Variants in CNTNAP2 observed in about 807,000 individuals in gnomAD.
The protein encoded by CNTNAP2 is contactin-associated protein-like 2.
CNTNAP2 carries 98 observed loss-of-function variants against 155.2 expected under a neutral mutation model. The observed-to-expected ratio is 0.63, with a 90% CI of 0.54 to 0.75. CNTNAP2 has a LOEUF of 0.75. Among genes scored for constraint, CNTNAP2 ranks in the 30% least tolerant of loss-of-function variants. CNTNAP2 has a pLI of 0.00. For missense variants in CNTNAP2, 1,727 were observed against 1,688.1 expected (o/e 1.02, Z -0.40); for synonymous variants, 651 against 631.2 (o/e 1.03, Z -0.47).
intron 1 of CNTNAP2, among the ~76,000 whole-genome samples, chr7:146,578,818 G>A (rs760520313): frequency 7.2e-5 from 11 of 151,976 alleles, no homozygotes; most frequent in South Asian, 2.1e-4. Flanking sequence ...TTTGTTACTC[G>A]CTGTAGACAG....
intron 9 of CNTNAP2, among the ~76,000 whole-genome samples, chr7:147,362,482 C>A (rs73740611): frequency 0.02 from 3,060 of 152,258 alleles, 99 homozygotes; most frequent in African/African-American, 0.07. Context: ...CACATAATGT[C>A]ACTTCCACCA....
intron 1 of CNTNAP2, among the ~76,000 whole-genome samples, chr7:146,131,349 A>G (rs989084710): frequency 6.6e-6 from 1 of 152,210 alleles, no homozygotes; most frequent in Non-Finnish European, 1.5e-5. Flanking sequence ...TAAGGTGTAC[A>G]ATATAATATT....
intron 8 of CNTNAP2, among the ~76,000 whole-genome samples, chr7:147,193,203 A>G (rs547028648): frequency 2.0e-5 from 3 of 152,322 alleles, no homozygotes; most frequent in South Asian, 4.1e-4. Context: ...CATAAAGCAC[A>G]GTGAAGTATA....
intron 3 of CNTNAP2, among the ~76,000 whole-genome samples, chr7:146,919,413 A>T (rs1308083083): frequency 6.6e-6 from 1 of 152,048 alleles, no homozygotes. Context: ...CCCCTTAGGG[A>T]TGGGGCTTCC....
At chr7:148,207,373 C>G (rs1795468960) in intron 18 of CNTNAP2, among the ~76,000 whole-genome samples, 1 of 152,200 alleles carries the variant, frequency 6.6e-6, no homozygotes, top group Non-Finnish European at 1.5e-5. Context: ...AGAATGGCCG[C>G]TGAGGCCAAG....
chr7:146,592,106 G>A (rs1230429450), intron 1 of CNTNAP2, among the ~76,000 whole-genome samples: 1 of 152,152 alleles, frequency 6.6e-6, no homozygotes, highest in Non-Finnish European at 1.5e-5. Context: ...TCCAAATCCG[G>A]CTGTCATGAA....
intron 1 of CNTNAP2, among the ~76,000 whole-genome samples, chr7:146,181,473 T>A (rs1031857534): frequency 1.4e-4 from 22 of 152,140 alleles, no homozygotes; most frequent in African/African-American, 4.1e-4. Flanking sequence ...CATTTGCAAA[T>A]CTTAAGTGTC....
At chr7:147,962,299 G>A (rs1397357194) in intron 14 of CNTNAP2, among the ~76,000 whole-genome samples, 1 of 152,230 alleles carries the variant, frequency 6.6e-6, no homozygotes, top group South Asian at 2.1e-4. Context: ...TAGTTAGAAT[G>A]TGTATACTGA....
intron 3 of CNTNAP2, among the ~76,000 whole-genome samples, chr7:146,990,670 T>C (rs1019129441): frequency 6.6e-6 from 1 of 152,094 alleles, no homozygotes; most frequent in African/African-American, 2.4e-5. Flanking sequence ...AACCATTCAA[T>C]CAAAAGAGTG....
At chr7:148,319,308 C>G (rs1487542158) in intron 21 of CNTNAP2, among the ~76,000 whole-genome samples, 2 of 152,064 alleles carry the variant, frequency 1.3e-5, no homozygotes, top group Admixed American at 1.3e-4. Flanking sequence ...TAGAAAAGAT[C>G]ATCATATTGT....
At chr7:146,673,642 T>C (rs1360644115) in intron 1 of CNTNAP2, among the ~76,000 whole-genome samples, 4 of 152,212 alleles carry the variant, frequency 2.6e-5, no homozygotes, top group Non-Finnish European at 4.4e-5. Context: ...ACACCAGCTG[T>C]AACCAATCTG....
chr7:148,061,833 A>T (rs1367678441), intron 15 of CNTNAP2, among the ~76,000 whole-genome samples: 2 of 129,814 alleles, frequency 1.5e-5, no homozygotes, highest in African/African-American at 5.8e-5. Context: ...TAGTCTAGAT[A>T]CCTAGATAGT....
chr7:148,084,329 C>G (rs1585117014), intron 15 of CNTNAP2, among the ~76,000 whole-genome samples: 2 of 152,126 alleles, frequency 1.3e-5, no homozygotes, highest in African/African-American at 4.8e-5. Flanking sequence ...CAGAATCCCA[C>G]ACAGTGATCA....
intron 16 of CNTNAP2, among the ~76,000 whole-genome samples, chr7:148,133,318 T>C (rs1804872276): frequency 6.6e-6 from 1 of 151,928 alleles, no homozygotes; most frequent in African/African-American, 2.4e-5. Context: ...AAAAATTAGC[T>C]GGGCATGGTG....
intron 1 of CNTNAP2, among the ~76,000 whole-genome samples, chr7:146,569,433 A>C (rs10249436): frequency 0.81 from 124,005 of 152,190 alleles, 51,148 homozygotes; most frequent in African/African-American, 0.9. Context: ...TCACATTTCA[A>C]ACTTTATCTT....
intron 13 of CNTNAP2, among the ~76,000 whole-genome samples, chr7:147,773,473 TAAAACAAAAACA>T (rs914439139): frequency 3.3e-5 from 5 of 151,984 alleles, no homozygotes; most frequent in Non-Finnish European, 7.4e-5. Flanking sequence ...CTGTCTCTAG[TAAAACAAAAACA>T]AAAACAAAAC....
At chr7:147,720,093 C>G (rs1028842032) in intron 13 of CNTNAP2, among the ~76,000 whole-genome samples, 27 of 152,024 alleles carry the variant, frequency 1.8e-4, no homozygotes, top group Admixed American at 3.3e-4. Flanking sequence ...TCACTCTTCC[C>G]CAAGATTCAC....
chr7:146,290,108 G>A (rs1417096459), intron 1 of CNTNAP2, among the ~76,000 whole-genome samples: 1 of 152,118 alleles, frequency 6.6e-6, no homozygotes, highest in Non-Finnish European at 1.5e-5. Context: ...ATGTATGTAT[G>A]AGGTATGGCT....
At chr7:147,484,905 T>G (rs1798484885) in intron 10 of CNTNAP2, among the ~76,000 whole-genome samples, 1 of 152,246 alleles carries the variant, frequency 6.6e-6, no homozygotes, top group Admixed American at 6.5e-5. Flanking sequence ...AAAGTCTAGA[T>G]GTCCTTTGTG....
Sources: gnomAD v4.1 joint callset for allele counts (sites outside exome capture counted in the v4.1 genomes callset) on GRCh38, gnomAD v4.1.1 for gene constraint, MANE v1.5 for transcripts, NCBI Gene and HGNC (gene_info 2026-07-23, HGNC 2026-07-21) for gene names.